The following LAMA2 variants were observed in gnomAD, a reference collection of about 807,000 sequenced individuals.
LAMA2 encodes the protein laminin subunit alpha-2.
In LAMA2, 269 loss-of-function variants were observed where a neutral mutation model predicts 364.8. The observed-to-expected ratio is 0.74, with a 90% CI of 0.67 to 0.82. LAMA2 has a LOEUF of 0.82. Ranked by LOEUF, LAMA2 falls within the 40% of genes least tolerant of loss-of-function variation. The probability of loss-of-function intolerance (pLI) is 0.00; values close to 1 mark genes in which losing one functional copy is unlikely to be tolerated. For synonymous variants in LAMA2, 1,379 were observed against 1,370.6 expected, an observed-to-expected ratio of 1.01 and a Z score of -0.14; for missense variants, 3,807 against 3,873.2, an observed-to-expected ratio of 0.98 and a Z score of 0.45.
At chr6:129,452,155 T>G (rs1562576634) in intron 45 of LAMA2, among the ~76,000 whole-genome samples, 2 of 152,202 alleles carry the variant, frequency 1.3e-5, no homozygotes, top group Admixed American at 6.5e-5. Context: ...AAAGTAACCC[T>G]TTGATGGTGA....
At chr6:129,467,701 T>A (rs1443193949) in intron 51 of LAMA2, among the ~76,000 whole-genome samples, 2 of 151,906 alleles carry the variant, frequency 1.3e-5, no homozygotes, top group Non-Finnish European at 2.9e-5. Context: ...ATAATCAGTC[T>A]GCTATCTCAA....
chr6:129,507,479 G>C lies in LAMA2; in HGVS notation c.8704-10G>C. ...ACCTGACATTTGTTTCTTCTGATCTGAATGTTTAGGTGACCTATAGCATTG... is the reference window on the plus strand; with the variant it reads ...ACCTGACATTTGTTTCTTCTGATCTCAATGTTTAGGTGACCTATAGCATTG... On this transcript the variant is annotated splice_polypyrimidine_tract_variant and intron_variant, in intron 61 of 64. Coordinates refer to ENST00000421865, the MANE Select transcript of LAMA2 (RefSeq NM_000426.4). The C allele has an allele frequency of 6.2e-7, 1 of 1,614,008 alleles. No homozygotes were observed. The highest frequency in any genetic ancestry group is 8.5e-7 in the Non-Finnish European group (1 of 1,179,876).
intron 3 of LAMA2, among the ~76,000 whole-genome samples, chr6:129,091,209 A>C (rs559917901): frequency 2.0e-5 from 3 of 152,326 alleles, no homozygotes; most frequent in South Asian, 2.1e-4. Context: ...TTGCAGAGTG[A>C]GATAGAGAAG....
intron 4 of LAMA2, among the ~76,000 whole-genome samples, chr6:129,140,435 G>A (rs1778058366): frequency 6.6e-6 from 1 of 152,024 alleles, no homozygotes; most frequent in Non-Finnish European, 1.5e-5. Context: ...ACCATAGTCT[G>A]ATATTTGCAG....
At chr6:129,221,711 C>A (rs1783866792) in intron 12 of LAMA2, among the ~76,000 whole-genome samples, 1 of 152,096 alleles carries the variant, frequency 6.6e-6, no homozygotes, top group African/African-American at 2.4e-5. Context: ...TATTCACACA[C>A]CCTATGACCC....
At position 128,931,324 on chromosome 6, in the gene LAMA2, C is replaced by T. The variant is rs181201181; in HGVS notation, c.112+47967C>T. Among the ~76,000 whole-genome samples, 7 of 152,262 alleles carry T rather than the reference C, an allele frequency of 4.6e-5. No individual in the cohort carries two copies. In the East Asian group the frequency reaches 1.3e-3, roughly 29 times the overall value. Reference sequence around the variant, plus strand: ...CACTTTGCAGTGGCCATTTCTAGCACTTTTCAGGCAATAAATGGTCTTCTT... The same window carrying T: ...CACTTTGCAGTGGCCATTTCTAGCATTTTTCAGGCAATAAATGGTCTTCTT... On this transcript the variant is annotated intron_variant, in intron 1 of 64. Transcript: ENST00000421865.
At chr6:128,932,011 C>A (rs992032929) in intron 1 of LAMA2, among the ~76,000 whole-genome samples, 3 of 152,116 alleles carry the variant, frequency 2.0e-5, no homozygotes, top group African/African-American at 7.2e-5. Flanking sequence ...CATAAATATT[C>A]TTTGACATTA....
chr6:129,266,902 C>T (rs781512210), intron 15 of LAMA2, among the ~76,000 whole-genome samples: 3 of 152,054 alleles, frequency 2.0e-5, no homozygotes, highest in Admixed American at 1.3e-4. Flanking sequence ...CTCATACCTG[C>T]CAATAACACT....
chr6:129,098,472 A>G lies in LAMA2; in HGVS notation c.639+57A>G. ...TTTGATACGGTGAAATAGGCCTGTC[A>G]GAAAGACCTGAATATATCAGTAATT... On this transcript the variant is annotated intron_variant, in intron 4 of 64. Coordinates refer to ENST00000421865, the MANE Select transcript of LAMA2 (RefSeq NM_000426.4). 4 of 1,581,694 alleles carry G rather than the reference A, an allele frequency of 2.5e-6. No homozygotes were observed. The South Asian group carries it at 3.3e-5, about 13-fold the overall frequency.
chr6:128,929,337 C>A (rs1255503265), intron 1 of LAMA2: 6 of 1,144,444 alleles, frequency 5.2e-6, no homozygotes, highest in Non-Finnish European at 1.3e-6. Context: ...GTACACGGCC[C>A]AAAGACTGGG....
intron 28 of LAMA2, among the ~76,000 whole-genome samples, chr6:129,326,106 C>T (rs567092209): frequency 1.3e-5 from 2 of 152,346 alleles, no homozygotes; most frequent in South Asian, 2.1e-4. Flanking sequence ...TCCCAAAATG[C>T]TGGGATTACA....
Position 129,314,723 on chromosome 6 carries a change from A to G in LAMA2, c.3480A>G (p.Pro1160=). Residue 1160 remains proline, a synonymous_variant, in exon 24 of 65, where the codon CCA becomes CCG. Transcript: ENST00000421865. ...AATTCGGACTCGATGCCAAGAATCC[A>G]CTTGGCTGCAGCAGCTGCTATTGCT... ...PGKFGLDAKN[P]LGCSSCYCFG... 6.2e-7 allele frequency: 1 copy of G among 1,613,862 alleles called. No homozygotes were observed. The highest frequency in any genetic ancestry group is 8.5e-7 in the Non-Finnish European group (1 of 1,179,948).
chr6:128,989,889 G>GT (rs1025628438), intron 1 of LAMA2, among the ~76,000 whole-genome samples: 4 of 151,910 alleles, frequency 2.6e-5, no homozygotes, highest in East Asian at 3.9e-4. Context: ...TAGACAGCAC[G>GT]TTTTTTTTCT....
chr6:129,262,903 C>A (rs1356295974), intron 15 of LAMA2, among the ~76,000 whole-genome samples: 1 of 152,126 alleles, frequency 6.6e-6, no homozygotes, highest in African/African-American at 2.4e-5. Flanking sequence ...TAGACATTCT[C>A]TTTTACTTCA....
intron 1 of LAMA2, among the ~76,000 whole-genome samples, chr6:128,953,201 C>A (rs1582757536): frequency 6.6e-6 from 1 of 152,108 alleles, no homozygotes; most frequent in Admixed American, 6.6e-5. Flanking sequence ...GAATTGAAGT[C>A]CATGCTTCTT....
At chr6:129,441,039 C>A (rs367883416) in intron 43 of LAMA2, 41 bp downstream of exon 43, 1 of 1,544,876 alleles carries the variant, frequency 6.5e-7, no homozygotes. Context: ...CATTTATTTC[C>A]TCTCACTGTA....
intron 8 of LAMA2, chr6:129,158,116 A>G: frequency 6.2e-7 from 1 of 1,612,348 alleles, no homozygotes; most frequent in Non-Finnish European, 8.5e-7. Flanking sequence ...GCAGCTGAAT[A>G]AGCCAATTTA....
At chr6:129,447,931 C>T (rs1356268574) in intron 45 of LAMA2, among the ~76,000 whole-genome samples, 4 of 152,194 alleles carry the variant, frequency 2.6e-5, no homozygotes, top group Non-Finnish European at 5.9e-5. Context: ...CTTTTCCCCT[C>T]CTCACAAAAC....
At chr6:129,480,293 C>T (rs1784282833) in intron 54 of LAMA2, among the ~76,000 whole-genome samples, 1 of 152,154 alleles carries the variant, frequency 6.6e-6, no homozygotes, top group Non-Finnish European at 1.5e-5. Flanking sequence ...TTTGCTTTTA[C>T]TCCTACAAAA....
Sources: allele counts gnomAD v4.1 joint callset (sites outside exome capture counted in the v4.1 genomes callset), GRCh38; gene constraint gnomAD v4.1.1; transcripts MANE v1.5; gene names NCBI Gene and HGNC (gene_info 2026-07-23, HGNC 2026-07-21).